The following MARS1 variants were observed in gnomAD, a reference collection of about 807,000 sequenced individuals.
The protein encoded by MARS1 is methionyl-tRNA synthetase 1, also known as methionine--tRNA ligase, cytoplasmic.
Under a neutral mutation model 119.5 loss-of-function variants are expected in MARS1, and 80 were observed. That is an observed-to-expected ratio of 0.67 (90% confidence interval 0.56 to 0.81). The LOEUF is 0.81. Among genes scored for constraint, MARS1 ranks in the 30% least tolerant of loss-of-function variants. The pLI, the probability that MARS1 is intolerant of heterozygous loss-of-function variation, is 0.00. For missense variants in MARS1, 945 were observed against 1,116.5 expected, an observed-to-expected ratio of 0.85 and a Z score of 2.19; for synonymous variants, 418 against 433.4, an observed-to-expected ratio of 0.96 and a Z score of 0.44.
intron 15 of MARS1, among the ~76,000 whole-genome samples, chr12:57,513,671 T>A (rs1877632149): frequency 6.6e-6 from 1 of 151,854 alleles, no homozygotes; most frequent in Non-Finnish European, 1.5e-5. Context: ...GAGTTTTTGT[T>A]ACCTTAGGCT....
chr12:57,493,782 TTA>T lies in MARS1; in HGVS notation c.770+3144_770+3145del, dbSNP rs1209616412. 3.2e-3 allele frequency among the ~76,000 whole-genome samples: 6 copies of T among 1,862 alleles called. 1 individual carries two copies. The highest frequency in any genetic ancestry group is 0.026 in the South Asian group (1 of 38). The allele number at this position is 1,862 out of a possible 152,430, so 1.2% of individuals were successfully genotyped here. A position where few individuals can be genotyped will look rare whatever the true frequency, so the allele number is the denominator to read the frequency against. Reference sequence around the variant, plus strand: ...TTATATATATTATATATAATATATATTATATATTATATATTATATTATATAAT... The same window carrying T: ...TTATATATATTATATATAATATATATTATATTATATATTATATTATATAAT... On this transcript the variant is annotated intron_variant, in intron 7 of 20. Coordinates refer to ENST00000262027, the MANE Select transcript of MARS1 (RefSeq NM_004990.4).
Position 57,515,972 on chromosome 12 carries a change from A to G in MARS1, c.2444A>G (p.Gln815Arg), listed in dbSNP as rs1565652784. 1 of 1,614,156 alleles carries G rather than the reference A, an allele frequency of 6.2e-7. No individual in the cohort carries two copies. The highest frequency in any genetic ancestry group is 8.5e-7 in the Non-Finnish European group (1 of 1,180,010). The change falls in exon 19 of 21, where the codon CAG (glutamine) becomes CGG (arginine). Residue 815 changes from glutamine to arginine, a missense_variant. By Grantham distance (43) the Gln-to-Arg change is conservative. Coordinates refer to ENST00000262027, the MANE Select transcript of MARS1 (RefSeq NM_004990.4). ...LENDQIESLRQRFGGGQAKTS... is the reference protein window; with the variant it reads ...LENDQIESLRRRFGGGQAKTS... Reference sequence around the variant, plus strand: ...AATGACCAGATTGAAAGTTTAAGGCAGCGCTTTGGAGGGGGCCAGGTGAGA... The same window carrying G: ...AATGACCAGATTGAAAGTTTAAGGCGGCGCTTTGGAGGGGGCCAGGTGAGA...
chr12:57,507,876 C>T (rs1454045142), intron 11 of MARS1, among the ~76,000 whole-genome samples: 3 of 150,100 alleles, frequency 2.0e-5, no homozygotes, highest in South Asian at 2.1e-4. Context: ...GGGTAGCTGC[C>T]GGGCGGAGGG....
chr12:57,500,705 T>G (rs897022332), intron 10 of MARS1, among the ~76,000 whole-genome samples, 183 bp downstream of exon 10: 3 of 152,204 alleles, frequency 2.0e-5, no homozygotes, highest in Non-Finnish European at 4.4e-5. Flanking sequence ...GCACTTACTA[T>G]GTGCTGAGCA....
chr12:57,515,349 G>T lies in MARS1; in HGVS notation c.2391+13G>T. ...CCAGATTGGCACAGTAGGTGGAAGAGCCAGCCTCTCTTAAAATTGATACTC... is the reference window on the plus strand; with the variant it reads ...CCAGATTGGCACAGTAGGTGGAAGATCCAGCCTCTCTTAAAATTGATACTC... On this transcript the variant is annotated intron_variant, in intron 18 of 20. Coordinates refer to ENST00000262027, the MANE Select transcript of MARS1 (RefSeq NM_004990.4). The T allele has an allele frequency of 6.2e-7, 1 of 1,609,566 alleles. No individual in the cohort carries two copies.
intron 11 of MARS1, among the ~76,000 whole-genome samples, chr12:57,509,105 C>T (rs1269355112): frequency 2.6e-5 from 4 of 151,950 alleles, no homozygotes; most frequent in Non-Finnish European, 5.9e-5. Flanking sequence ...TAATCCTTTC[C>T]TGTCCTAAAT....
chr12:57,489,464 G>A lies in MARS1; in HGVS notation c.320G>A (p.Gly107Asp). 6.2e-7 allele frequency: 1 copy of A among 1,614,188 alleles called. No individual in the cohort carries two copies. Among genetic ancestry groups the A allele is most frequent in the Non-Finnish European group, 8.5e-7 (1 of 1,180,040 alleles). ...SAALYYLVVQ[G>D]KKGEDVLGSV... ...GCCCTGTACTATTTAGTGGTCCAAG[G>A]CAAGAAGGGGGAAGATGTTCTTGGT... The change falls in exon 4 of 21, where the codon GGC becomes GAC. Residue 107 changes from glycine to aspartate, a missense_variant. By Grantham distance (94) the Gly-to-Asp change is moderately conservative (BLOSUM62 -1). Transcript: ENST00000262027.
chr12:57,514,609 A>G (rs1877685192), intron 15 of MARS1, 111 bp from the exon 16 acceptor site: 2 of 1,365,248 alleles, frequency 1.5e-6, no homozygotes, highest in African/African-American at 1.4e-5. Context: ...TGTTCCAGGC[A>G]GGAATCCTGA....
rs1382364595 is a variant in MARS1, at chr12:57,515,328, A to G, written c.2383A>G (p.Ile795Val). Residue 795 changes from isoleucine (I) to valine (V), a missense_variant, in exon 18 of 21, where the codon ATT becomes GTT. Physicochemically the swap from Ile to Val is conservative, Grantham distance 29. Coordinates refer to ENST00000262027, the MANE Select transcript of MARS1 (RefSeq NM_004990.4). ...GTGTACCTTACCAGCAGGACACCAG[A>G]TTGGCACAGTAGGTGGAAGAGCCAG... ...FLCTLPAGHQ[I>V]GTVSPLFQKL... is the part of the protein sequence containing the mutation. 1.2e-6 allele frequency: 2 copies of G among 1,612,700 alleles called. No individual in the cohort carries two copies. Among genetic ancestry groups the G allele is most frequent in the Non-Finnish European group, 1.7e-6 (2 of 1,180,012 alleles).
At chr12:57,511,654 A>G (rs988965454) in intron 11 of MARS1, 44 bp from the exon 12 acceptor site, 6 of 1,608,018 alleles carry the variant, frequency 3.7e-6, no homozygotes, top group Non-Finnish European at 5.1e-6. Context: ...TGCTAACCAT[A>G]TATGAGACTT....
In MARS1 at chr12:57,516,206, A is replaced by G; in HGVS notation, c.2464-39A>G. On this transcript the variant is annotated intron_variant, in intron 19 of 20. Coordinates refer to ENST00000262027, the MANE Select transcript of MARS1 (RefSeq NM_004990.4). ...GCTGTATAAAACTGGAGGTTAGGGG[A>G]TATTTATGGTTGCTGGTGATAACTT... 4 of 1,571,862 alleles carry G rather than the reference A, an allele frequency of 2.5e-6. No individual in the cohort carries two copies. The South Asian group carries it at 3.3e-5, about 13-fold the overall frequency.
At chr12:57,498,329 A>G in intron 8 of MARS1, 56 bp downstream of exon 8, 1 of 1,597,268 alleles carries the variant, frequency 6.3e-7, no homozygotes, top group African/African-American at 1.3e-5. Flanking sequence ...TCCCAGGGGA[A>G]TAGGATGCTT....
At chr12:57,500,875 T>G (rs1876885665) in intron 10 of MARS1, among the ~76,000 whole-genome samples, 1 of 152,256 alleles carries the variant, frequency 6.6e-6, no homozygotes, top group Non-Finnish European at 1.5e-5. Context: ...TCAACATACA[T>G]TTTTTGAATC....
At chr12:57,494,421 G>A (rs111451812) in intron 7 of MARS1, among the ~76,000 whole-genome samples, 11,286 of 143,400 alleles carry the variant, frequency 0.079, 1,442 homozygotes, top group African/African-American at 0.27. Flanking sequence ...TCTGCCTCCC[G>A]GGTTCAAGTG....
chr12:57,514,658 A>T (rs1482245412), intron 15 of MARS1, 62 bp from the exon 16 acceptor site: 1 of 1,603,294 alleles, frequency 6.2e-7, no homozygotes. Context: ...AAATTCTAAC[A>T]AGGAGACGGG....
At position 57,514,978 on chromosome 12, in the gene MARS1, C is replaced by T. The variant is rs779352602; in HGVS notation, c.2124C>T (p.Ile708=). Residue 708 remains isoleucine (I), a synonymous_variant, in exon 17 of 21, where the codon ATC becomes ATT. Transcript: ENST00000262027. ...KVRIRDALRS[I]LTISRHGNQY... ...GGATCCGGGATGCCTTGCGCAGTAT[C>T]CTCACCATATCTCGACATGGCAACC... 2 of 1,614,190 alleles carry T rather than the reference C, an allele frequency of 1.2e-6. No individual in the cohort carries two copies. Among genetic ancestry groups the T allele is most frequent in the Admixed American group, 1.7e-5 (1 of 60,022 alleles).
At chr12:57,503,550 CTT>C (rs1157697922) in intron 10 of MARS1, among the ~76,000 whole-genome samples, 23 of 140,216 alleles carry the variant, frequency 1.6e-4, no homozygotes, top group East Asian at 2.1e-4. Context: ...TGTCTTTTTC[CTT>C]TTTTTTTTTT....
chr12:57,504,691 AC>A, intron 11 of MARS1, among the ~76,000 whole-genome samples: 1 of 121,802 alleles, frequency 8.2e-6, no homozygotes, highest in East Asian at 2.4e-4. Flanking sequence ...ACCATGCCTG[AC>A]TGATTTTTTT....
Position 57,489,499 on chromosome 12 carries a change from A to G in MARS1, c.355A>G (p.Arg119Gly), listed in dbSNP as rs1875758087. Residue 119 changes from arginine to glycine, a missense_variant, in exon 4 of 21, where the codon AGA becomes GGA. Arg to Gly is a moderately radical substitution (Grantham distance 125). Coordinates refer to ENST00000262027, the MANE Select transcript of MARS1 (RefSeq NM_004990.4). ...KGEDVLGSVR[R>G]ALTHIDHSLS... is the part of the protein sequence containing the mutation. ...GGAAGATGTTCTTGGTTCAGTGCGG[A>G]GAGCCCTGACTCACATTGACCACAG... 2.5e-6 allele frequency: 4 copies of G among 1,614,016 alleles called. No individual in the cohort carries two copies. In the African/African-American group the frequency reaches 5.3e-5, roughly 22 times the overall value.
Sources: allele counts gnomAD v4.1 joint callset (sites outside exome capture counted in the v4.1 genomes callset), GRCh38; gene constraint gnomAD v4.1.1; transcripts MANE v1.5; gene names NCBI Gene and HGNC (gene_info 2026-07-23, HGNC 2026-07-21).